The following CEP126 variants were observed in gnomAD, a reference collection of about 807,000 sequenced individuals.
CEP126 encodes centrosomal protein of 126 kDa.
In CEP126, 74 loss-of-function variants were observed where a neutral mutation model predicts 107.8. The ratio of observed to expected loss-of-function variants is 0.69; its 90% CI spans 0.57 to 0.83. The LOEUF (loss-of-function observed/expected upper bound fraction) is 0.83, where lower values mean the gene tolerates loss of function less well. Ranked by LOEUF, CEP126 falls within the 40% of genes least tolerant of loss-of-function variation. The probability of loss-of-function intolerance (pLI) is 0.00; values close to 1 mark genes in which losing one functional copy is unlikely to be tolerated. For missense variants in CEP126, 1,237 were observed against 1,281.9 expected (o/e 0.96, Z 0.53); for synonymous variants, 449 against 446.0 (o/e 1.01, Z -0.08).
At chr11:101,930,460 C>A (rs1322144453) in intron 2 of CEP126, among the ~76,000 whole-genome samples, 1 of 152,154 alleles carries the variant, frequency 6.6e-6, no homozygotes, top group African/African-American at 2.4e-5. Context: ...AGTGAAGCCG[C>A]AGACCCTCGC....
Position 101,949,963 on chromosome 11 carries a change from A to C in CEP126, c.506+1821A>C, listed in dbSNP as rs534075063. Among the ~76,000 whole-genome samples, 232 of 152,286 alleles carry C rather than the reference A, an allele frequency of 1.5e-3. 2 individuals carry two copies. The Middle Eastern group carries it at 0.02, about 13-fold the overall frequency. On this transcript the variant is annotated intron_variant, in intron 4 of 10. Transcript: ENST00000263468. ...GGAAGTCAGAGGAATAATTATCAAA[A>C]ACCTCTTTCTTCTGTCACCCTCCTT...
chr11:101,931,446 G>T (rs1940498031), intron 2 of CEP126, among the ~76,000 whole-genome samples: 1 of 152,072 alleles, frequency 6.6e-6, no homozygotes, highest in African/African-American at 2.4e-5. Flanking sequence ...TTCTTTGACA[G>T]GCAATGAAAA....
At chr11:101,966,934 A>C (rs923498638) in intron 6 of CEP126, among the ~76,000 whole-genome samples, 2 of 143,946 alleles carry the variant, frequency 1.4e-5, no homozygotes, top group African/African-American at 2.6e-5. Flanking sequence ...TCTTTTCCCT[A>C]CTCTTACTCC....
In CEP126 at chr11:101,963,364, G is replaced by A. The variant is rs375709302; in HGVS notation, c.2329G>A (p.Ala777Thr). 77 of 1,613,932 alleles carry A rather than the reference G, an allele frequency of 4.8e-5. No individual in the cohort carries two copies. In the East Asian group the frequency reaches 5.3e-4, roughly 11 times the overall value. The stretch of plus-strand genomic sequence containing the variant: ...CTTTATATGTACAAACAGAAAAGGC[G>A]CTGTCATTCAACCACAGTCTGCAAG... Reference protein sequence around the residue: ...SGFICTNRKGAVIQPQSASKV... With the variant: ...SGFICTNRKGTVIQPQSASKV... Residue 777 changes from alanine (A) to threonine (T), a missense_variant, in exon 6 of 11, where the codon GCT becomes ACT. By Grantham distance (58) the Ala-to-Thr change is moderately conservative. Transcript: ENST00000263468.
intron 6 of CEP126, among the ~76,000 whole-genome samples, chr11:101,972,193 G>A (rs1401073178): frequency 2.0e-5 from 3 of 151,434 alleles, no homozygotes; most frequent in East Asian, 3.9e-4. Context: ...TTTGAGGGCC[G>A]AGGCGGGCGG....
At chr11:101,978,228 G>C (rs769059289) in intron 6 of CEP126, 119 bp from the exon 7 acceptor site, 1 of 693,534 alleles carries the variant, frequency 1.4e-6, no homozygotes, top group Non-Finnish European at 2.6e-6. Flanking sequence ...CATGCTAACT[G>C]AATGAATTAA....
At chr11:101,956,773 C>T (rs757422396) in intron 4 of CEP126, 1 of 451,660 alleles carries the variant, frequency 2.2e-6, no homozygotes, top group South Asian at 1.6e-5. Context: ...TTTCCTCTTC[C>T]TTTCCCCCTA....
intron 1 of CEP126, among the ~76,000 whole-genome samples, chr11:101,919,357 T>G (rs1448428804): frequency 2.0e-5 from 3 of 152,146 alleles, no homozygotes; most frequent in Non-Finnish European, 4.4e-5. Flanking sequence ...AAGACTAAGT[T>G]GGGAGAGGAG....
At position 101,963,419 on chromosome 11, in the gene CEP126, G is replaced by A. The variant is rs770830961; in HGVS notation, c.2384G>A (p.Gly795Glu). The stretch of plus-strand genomic sequence containing the variant: ...GTCAACATATTTACACAAGCTCAGG[G>A]AAAATTAATTATACCTTGTCCTCCT... ...SKVNIFTQAQ[G>E]KLIIPCPPPQ... The change falls in exon 6 of 11, where the codon GGA becomes GAA. Residue 795 changes from glycine (G) to glutamate (E), a missense_variant. Gly to Glu is a moderately conservative substitution (Grantham distance 98). Around this residue, in one of 3 missense-constraint regions of CEP126, gnomAD observed 1,134 missense variants for 1,150.5 expected, o/e 0.99. Transcript: ENST00000263468. 3 of 1,614,024 alleles carry A rather than the reference G, an allele frequency of 1.9e-6. No homozygotes were observed. In the South Asian group the frequency reaches 3.3e-5, roughly 18 times the overall value.
At chr11:101,949,454 G>A (rs1331822007) in intron 4 of CEP126, among the ~76,000 whole-genome samples, 1 of 152,136 alleles carries the variant, frequency 6.6e-6, no homozygotes, top group African/African-American at 2.4e-5. Flanking sequence ...TAGGCTAAAG[G>A]CATTTGAAGC....
In CEP126 at chr11:101,932,836, G is replaced by A. The variant is rs137904033; in HGVS notation, c.248+10076G>A. Among the ~76,000 whole-genome samples, 10 of 152,016 alleles carry A rather than the reference G, an allele frequency of 6.6e-5. No homozygotes were observed. The East Asian group carries it at 1.9e-3, about 29-fold the overall frequency. The stretch of plus-strand genomic sequence containing the variant: ...AGTAATTCTTTGTTTACTTGGTTTT[G>A]TTAGCTTGCCTCACTAAATAATAAA... On this transcript the variant is annotated intron_variant, in intron 2 of 10. Transcript: ENST00000263468.
At chr11:101,991,749 AAG>A (rs1169694117) in intron 9 of CEP126, among the ~76,000 whole-genome samples, 1 of 152,228 alleles carries the variant, frequency 6.6e-6, no homozygotes, top group Non-Finnish European at 1.5e-5. Flanking sequence ...AAAAAACAAA[AAG>A]AAAATTAACT....
At chr11:101,959,716 A>G (rs1416914632) in intron 5 of CEP126, among the ~76,000 whole-genome samples, 1 of 152,214 alleles carries the variant, frequency 6.6e-6, no homozygotes, top group Non-Finnish European at 1.5e-5. Flanking sequence ...AAAGAAATAA[A>G]CAGACCTTCT....
intron 6 of CEP126, among the ~76,000 whole-genome samples, chr11:101,968,939 G>A (rs2137117647): frequency 6.6e-6 from 1 of 152,242 alleles, no homozygotes; most frequent in African/African-American, 2.4e-5. Context: ...TAGGTTTAGT[G>A]GACATGTTTT....
At chr11:101,957,423 A>G (rs1263731578) in intron 4 of CEP126, among the ~76,000 whole-genome samples, 1 of 152,180 alleles carries the variant, frequency 6.6e-6, no homozygotes, top group African/African-American at 2.4e-5. Flanking sequence ...CACTTTGTAT[A>G]TGTGCTGAAA....
chr11:101,994,886 TAATTA>T (rs1202284146), intron 10 of CEP126, among the ~76,000 whole-genome samples: 4 of 151,578 alleles, frequency 2.6e-5, no homozygotes, highest in Non-Finnish European at 5.9e-5. Flanking sequence ...TTTTTTTTTT[TAATTA>T]TACTTTAAGT....
chr11:101,947,326 A>G (rs776345121), intron 3 of CEP126, among the ~76,000 whole-genome samples: 1 of 152,190 alleles, frequency 6.6e-6, no homozygotes, highest in Non-Finnish European at 1.5e-5. Context: ...TTTATAGTAT[A>G]TGATGGGAGG....
intron 9 of CEP126, among the ~76,000 whole-genome samples, chr11:101,990,845 C>T (rs1941370806): frequency 6.6e-6 from 1 of 152,026 alleles, no homozygotes; most frequent in Non-Finnish European, 1.5e-5. Flanking sequence ...TGAATAAGTA[C>T]AGAATAACAC....
At chr11:101,996,517 CATA>C (rs1356151240) in intron 10 of CEP126, among the ~76,000 whole-genome samples, 1 of 152,140 alleles carries the variant, frequency 6.6e-6, no homozygotes, top group Non-Finnish European at 1.5e-5. Context: ...ACCTTAGTCC[CATA>C]ATTCTTATAA....
Sources: gnomAD v4.1 joint callset for allele counts (sites outside exome capture counted in the v4.1 genomes callset) on GRCh38, gnomAD v4.1.1 for gene constraint, gnomAD v4.1.1 regional missense constraint, MANE v1.5 for transcripts, NCBI Gene and HGNC (gene_info 2026-07-23, HGNC 2026-07-21) for gene names.